The following CA12 variants were observed in gnomAD, a reference collection of about 807,000 sequenced individuals.
CA12 encodes the protein carbonate dehydratase XII.
In CA12, 36 loss-of-function variants were observed where a neutral mutation model predicts 46.8. The ratio of observed to expected loss-of-function variants is 0.77; its 90% CI spans 0.59 to 1.02. The LOEUF is 1.02. Among genes scored for constraint, CA12 ranks in the 50% least tolerant of loss-of-function variants. The probability of loss-of-function intolerance (pLI) is 0.00; values close to 1 mark genes in which losing one functional copy is unlikely to be tolerated. For synonymous variants in CA12, 202 were observed against 187.0 expected, an observed-to-expected ratio of 1.08 and a Z score of -0.65; for missense variants, 436 against 451.4, an observed-to-expected ratio of 0.97 and a Z score of 0.31.
intron 2 of CA12, among the ~76,000 whole-genome samples, chr15:63,371,382 C>T (rs1051573365): frequency 2.0e-5 from 3 of 152,194 alleles, no homozygotes; most frequent in Non-Finnish European, 2.9e-5. Context: ...CGGCTCACAC[C>T]GAGTCCTGCC....
chr15:63,343,176 G>C (rs1480144195), intron 4 of CA12, among the ~76,000 whole-genome samples: 2 of 150,730 alleles, frequency 1.3e-5, no homozygotes, highest in Non-Finnish European at 3.0e-5. Context: ...GCTGACCTTT[G>C]AGCTTGTGGT....
chr15:63,352,654 A>G (rs998443218), intron 2 of CA12, among the ~76,000 whole-genome samples: 5 of 152,184 alleles, frequency 3.3e-5, no homozygotes, highest in African/African-American at 7.2e-5. Context: ...GCCGGCTACC[A>G]ACACGCAGTC....
intron 2 of CA12, among the ~76,000 whole-genome samples, chr15:63,367,705 C>T (rs1036626411): frequency 1.3e-5 from 2 of 152,148 alleles, no homozygotes; most frequent in Non-Finnish European, 2.9e-5. Flanking sequence ...AAGTGATCTA[C>T]GTATTTGGAG....
intron 2 of CA12, 25 bp from the exon 3 acceptor site, chr15:63,346,734 G>A (rs1595782152): frequency 6.2e-7 from 1 of 1,612,298 alleles, no homozygotes; most frequent in African/African-American, 1.3e-5. Context: ...CCATGCTCAA[G>A]ATTTAGAGTT....
chr15:63,323,856 C>T lies in CA12; in HGVS notation c.*2429G>A, dbSNP rs1383964353. 1 of 152,188 alleles carries T rather than the reference C, an allele frequency of 6.6e-6. No homozygotes were observed. The highest frequency in any genetic ancestry group is 1.5e-5 in the Non-Finnish European group (1 of 68,040). 9.4% of individuals were successfully genotyped at this position (152,188 alleles called of 1,614,324 possible). On this transcript the variant is annotated 3_prime_UTR_variant, in exon 11 of 11. Transcript: ENST00000178638. This position sits in a 1 kb window ranked among gnomAD's most constrained non-coding sequence, Gnocchi z 5.1. ...GATGATACTAACTAAACAAACAGAACAAAGAAAGAGATTCAAGATCTCACA... is the reference window on the plus strand; with the variant it reads ...GATGATACTAACTAAACAAACAGAATAAAGAAAGAGATTCAAGATCTCACA...
rs186665761 is a variant in CA12 at position 63,374,149 on chromosome 15, G to T, written c.106+1509C>A. On this transcript the variant is annotated intron_variant, in intron 2 of 10. Coordinates refer to ENST00000178638, the MANE Select transcript of CA12 (RefSeq NM_001218.5). This position sits in a 1 kb window ranked among gnomAD's most constrained non-coding sequence, Gnocchi z 4.4. The stretch of plus-strand genomic sequence containing the variant: ...GAGCAGGACAAAGTGGGAAAGGCCT[G>T]CCCTGACCCTCCACACCTCCCCTGT... Among the ~76,000 whole-genome samples the T allele has an allele frequency of 1.0e-3, 158 of 152,124 alleles. No homozygotes were observed. Among genetic ancestry groups the T allele is most frequent in the African/African-American group, 3.5e-3 (146 of 41,480 alleles).
intron 4 of CA12, among the ~76,000 whole-genome samples, chr15:63,344,005 G>A (rs536650091): frequency 1.1e-4 from 16 of 152,286 alleles, no homozygotes; most frequent in African/African-American, 2.2e-4. Context: ...GAATTTCACC[G>A]TGACAATGTA....
intron 2 of CA12, among the ~76,000 whole-genome samples, chr15:63,347,819 T>C (rs894845440): frequency 5.3e-5 from 8 of 152,082 alleles, no homozygotes. Flanking sequence ...GAGCTGGGGA[T>C]CAAGCTTTGC....
chr15:63,376,849 C>T (rs1238670432), intron 1 of CA12, among the ~76,000 whole-genome samples: 1 of 151,814 alleles, frequency 6.6e-6, no homozygotes, highest in Non-Finnish European at 1.5e-5. Context: ...CACCATGTTG[C>T]CCAGGCTGAT....
chr15:63,345,970 T>C lies in CA12; in HGVS notation c.287-351A>G, dbSNP rs2039141981. Among the ~76,000 whole-genome samples the C allele has an allele frequency of 6.6e-6, 1 of 152,206 alleles. No individual in the cohort carries two copies. The highest frequency in any genetic ancestry group is 2.4e-5 in the African/African-American group (1 of 41,440). On this transcript the variant is annotated intron_variant, in intron 3 of 10. Transcript: ENST00000178638. The surrounding 1 kb of genome is among the most constrained non-coding windows in gnomAD (Gnocchi z 4.3). ...TGAAGTACCTTCCAAGCTTTAGAATTATATAGCAACAGCAACGATAACTGC... is the reference window on the plus strand; with the variant it reads ...TGAAGTACCTTCCAAGCTTTAGAATCATATAGCAACAGCAACGATAACTGC...
rs1197321358 is a variant in CA12 at position 63,355,557 on chromosome 15, G to A, written c.107-8848C>T. 6.6e-5 allele frequency among the ~76,000 whole-genome samples: 10 copies of A among 152,232 alleles called. 1 individual carries two copies. Among genetic ancestry groups the A allele is most frequent in the South Asian group, 4.1e-4 (2 of 4,836 alleles). On this transcript the variant is annotated intron_variant, in intron 2 of 10. Transcript: ENST00000178638. This position sits in a 1 kb window ranked among gnomAD's most constrained non-coding sequence, Gnocchi z 4.1. ...CTGCTGCGGGCTGAGGCTGAGAAGC[G>A]CTGCACTAGACTGTCAGCTCGCTTT...
intron 1 of CA12, 85 bp downstream of exon 1, chr15:63,381,551 A>G: frequency 9.1e-7 from 1 of 1,100,818 alleles, no homozygotes; most frequent in South Asian, 1.3e-5. Context: ...CGCAGCAATG[A>G]TTTTACTTTA....
In CA12 at chr15:63,381,702, G is replaced by T. The variant is rs1431335241; in HGVS notation, c.19C>A (p.His7Asn). 2.6e-5 allele frequency: 42 copies of T among 1,607,330 alleles called. No individual in the cohort carries two copies. The highest frequency in any genetic ancestry group is 3.5e-5 in the Non-Finnish European group (41 of 1,176,966). Residue 7 changes from histidine (H) to asparagine (N), a missense_variant, in exon 1 of 11, where the codon CAC (histidine) becomes AAC (asparagine). Coordinates refer to ENST00000178638, the MANE Select transcript of CA12 (RefSeq NM_001218.5). The part of the protein sequence containing the change: MPRRSL[H>N]AAAVLLLVIL... ...ACCAGCAGGAGCACGGCCGCCGCGTGCAGGCTGCGCCGGGGCATCTTCGCG... is the reference window on the plus strand; with the variant it reads ...ACCAGCAGGAGCACGGCCGCCGCGTTCAGGCTGCGCCGGGGCATCTTCGCG...
intron 2 of CA12, among the ~76,000 whole-genome samples, chr15:63,349,910 C>G (rs1194213098): frequency 6.6e-6 from 1 of 152,158 alleles, no homozygotes; most frequent in African/African-American, 2.4e-5. Context: ...AACGTGCACC[C>G]ACCTTAATTC....
rs138382123 is a variant in CA12, at chr15:63,326,324, G to A, written c.1026C>T (p.Tyr342=). ...CAGTCTCCATCTTGGTGGCTGGCTT[G>A]TAAATGACTCCCTTGTTATCACCTT... ...IKKGDNKGVI[Y]KPATKMETEA... is the part of the protein sequence containing the mutation. The change falls in exon 11 of 11, where the codon TAC becomes TAT. Residue 342 remains tyrosine (Y), a synonymous_variant. Transcript: ENST00000178638. 5.6e-6 allele frequency: 9 copies of A among 1,613,946 alleles called. No individual in the cohort carries two copies. The highest frequency in any genetic ancestry group is 2.7e-5 in the African/African-American group (2 of 74,908).
At chr15:63,332,743 C>T (rs779935108) in intron 8 of CA12, among the ~76,000 whole-genome samples, 21 of 152,096 alleles carry the variant, frequency 1.4e-4, no homozygotes, top group Non-Finnish European at 2.6e-4. Flanking sequence ...GACAATAAAA[C>T]GAAAAGGTGA....
At chr15:63,346,829 A>G in intron 2 of CA12, 120 bp from the exon 3 acceptor site, 1 of 1,156,620 alleles carries the variant, frequency 8.6e-7, no homozygotes, top group East Asian at 2.5e-5. Context: ...CCCCGGAGGT[A>G]AATCTTCAAG....
At chr15:63,356,592 C>CA (rs113004660) in intron 2 of CA12, among the ~76,000 whole-genome samples, 151,785 of 151,786 alleles carry the variant, frequency 1, 75,892 homozygotes, top group Non-Finnish European at 1. Context: ...AGCGTGATCT[C>CA]GCTCACTGCA....
Position 63,324,241 on chromosome 15 carries a change from A to C in CA12, c.*2044T>G, listed in dbSNP as rs1198224412. The C allele has an allele frequency of 1.3e-5, 2 of 152,246 alleles. No individual in the cohort carries two copies. The highest frequency in any genetic ancestry group is 2.9e-5 in the Non-Finnish European group (2 of 68,058). 9.4% of individuals were successfully genotyped at this position (152,246 alleles called of 1,614,324 possible). The stretch of plus-strand genomic sequence containing the variant: ...GCAGCAAGAGGAGAGGAGAAATGCC[A>C]CTGTCTTGCACCTCCCAGTAAGTCT... On this transcript the variant is annotated 3_prime_UTR_variant, in exon 11 of 11. Transcript: ENST00000178638.
Sources: gnomAD v4.1 joint callset for allele counts (sites outside exome capture counted in the v4.1 genomes callset) on GRCh38, gnomAD v4.1.1 for gene constraint, Gnocchi (gnomAD v3.1) non-coding constraint, MANE v1.5 for transcripts, NCBI Gene and HGNC (gene_info 2026-07-23, HGNC 2026-07-21) for gene names.